HOMER2: variants seen among roughly 807,000 people sequenced by gnomAD.
HOMER2 encodes the protein homer scaffold protein 2, also known as homer protein homolog 2.
In HOMER2, 27 loss-of-function variants were observed where a neutral mutation model predicts 47.0. That is an observed-to-expected ratio of 0.57 (90% CI 0.42 to 0.79). HOMER2 has a LOEUF of 0.79. Among genes scored for constraint, HOMER2 ranks in the 30% least tolerant of loss-of-function variants. The pLI, the probability that HOMER2 is intolerant of heterozygous loss-of-function variation, is 0.00. For missense variants in HOMER2, 443 were observed against 435.0 expected (o/e 1.02, Z -0.16); for synonymous variants, 161 against 163.8 (o/e 0.98, Z 0.13).
exon 2 of HOMER2, chr15:82,838,272 A>G (rs1177814504): frequency 2.0e-5 from 3 of 152,548 alleles, no homozygotes; most frequent in Non-Finnish European, 2.9e-5. Context: ...GGAGAAGCAC[A>G]AGACTGTGTA....
chr15:82,965,777 T>TA, intron 1 of HOMER2, among the ~76,000 whole-genome samples: 1 of 152,134 alleles, frequency 6.6e-6, no homozygotes, highest in African/African-American at 2.4e-5. Context: ...CCTTTTTTTT[T>TA]TTTTTATTTT....
chr15:82,962,741 G>T (rs745426505), intron 1 of HOMER2, among the ~76,000 whole-genome samples: 11 of 152,094 alleles, frequency 7.2e-5, no homozygotes, highest in Non-Finnish European at 1.3e-4. Flanking sequence ...TCTGAACATA[G>T]TATATGCCTC....
At position 82,851,058 on chromosome 15, in the gene HOMER2, C is replaced by A. The variant is rs1420923568; in HGVS notation, c.843+93G>T. 9.6e-6 allele frequency: 8 copies of A among 837,208 alleles called. No individual in the cohort carries two copies. The Admixed American group carries it at 1.6e-4, about 17-fold the overall frequency. 51.9% of individuals were successfully genotyped at this position (837,208 alleles called of 1,614,324 possible). A position where few individuals can be genotyped will look rare whatever the true frequency, so the allele number is the denominator to read the frequency against. ...TAGAAAATCTCTCCTTCAGCATTCT[C>A]AGTGTGAAAGTGATAGGAAGCAGGA... On this transcript the variant is annotated intron_variant, in intron 8 of 8. Transcript: ENST00000450735.
At chr15:82,985,641 T>G (rs982761112) in intron 1 of HOMER2, 1 of 152,196 alleles carries the variant, frequency 6.6e-6, no homozygotes, top group African/African-American at 2.4e-5. Context: ...TGTCGGGATA[T>G]TAAGTGTTTA....
At chr15:82,968,806 G>C (rs921300488) in intron 1 of HOMER2, among the ~76,000 whole-genome samples, 1 of 152,206 alleles carries the variant, frequency 6.6e-6, no homozygotes, top group Non-Finnish European at 1.5e-5. Flanking sequence ...TTTTGAGAGG[G>C]AGTGTGGAGA....
At chr15:82,861,725 G>C (rs1192853978) in intron 4 of HOMER2, among the ~76,000 whole-genome samples, 1 of 152,110 alleles carries the variant, frequency 6.6e-6, no homozygotes, top group Non-Finnish European at 1.5e-5. Context: ...AGCATACAAG[G>C]GCCGGGTGCA....
At chr15:82,945,096 C>G (rs563624220) in intron 1 of HOMER2, among the ~76,000 whole-genome samples, 2 of 152,238 alleles carry the variant, frequency 1.3e-5, no homozygotes, top group South Asian at 4.2e-4. Context: ...CCGTGACTCA[C>G]CCAAATGACA....
chr15:82,868,245 C>T (rs2052042720), intron 3 of HOMER2, among the ~76,000 whole-genome samples: 1 of 151,374 alleles, frequency 6.6e-6, no homozygotes, highest in South Asian at 2.1e-4. Flanking sequence ...TTGCCAGATG[C>T]ACAGTTTGCA....
At chr15:82,839,337 CAT>C (rs2151581560) in exon 2 of HOMER2, 1 of 152,318 alleles carries the variant, frequency 6.6e-6, no homozygotes, top group South Asian at 2.1e-4. Flanking sequence ...GAACCAGAAA[CAT>C]TGGCACACTC....
intron 1 of HOMER2, among the ~76,000 whole-genome samples, chr15:82,963,807 C>A (rs2054650871): frequency 6.6e-6 from 1 of 152,086 alleles, no homozygotes; most frequent in Admixed American, 6.5e-5. Flanking sequence ...TTTTACCAAC[C>A]CTCAAAACTC....
chr15:82,891,553 C>T (rs1463323834), intron 2 of HOMER2, among the ~76,000 whole-genome samples: 1 of 152,134 alleles, frequency 6.6e-6, no homozygotes, highest in Non-Finnish European at 1.5e-5. Context: ...TTCCCCACAC[C>T]TTCTGTTTGT....
At position 82,868,523 on chromosome 15, in the gene HOMER2, T is replaced by TTTTATA. The variant is rs1453193520; in HGVS notation, c.295-4265_295-4264insTATAAA. On this transcript the variant is annotated intron_variant, in intron 3 of 8. Coordinates refer to ENST00000450735, the MANE Select transcript of HOMER2 (RefSeq NM_004839.4). ...AAGTTATATATATCACTTATTTATT[T>TTTTATA]TATATATATATATATATATTTTTTT... 1.6e-4 allele frequency among the ~76,000 whole-genome samples: 6 copies of TTTTATA among 36,634 alleles called. 1 individual carries two copies. The highest frequency in any genetic ancestry group is 2.3e-4 in the Non-Finnish European group (5 of 21,470). 24.0% of individuals were successfully genotyped at this position (36,634 alleles called of 152,430 possible).
At chr15:82,921,329 T>A (rs1470934981) in intron 1 of HOMER2, among the ~76,000 whole-genome samples, 1 of 152,176 alleles carries the variant, frequency 6.6e-6, no homozygotes, top group Non-Finnish European at 1.5e-5. Context: ...GTGCAGGCCT[T>A]GCTCCACTCT....
exon 2 of HOMER2, chr15:82,843,442 C>CAAAAAAAAAAAAAAAA (rs56335970): frequency 1.5e-4 from 3 of 20,512 alleles, no homozygotes; most frequent in Admixed American, 9.3e-4. Flanking sequence ...GACCCCGTCT[C>CAAAAAAAAAAAAAAAA]AAAAAAAAAA....
At chr15:82,847,624 A>G (rs146624141), downstream of HOMER2, among the ~76,000 whole-genome samples, 6 of 152,386 alleles carry the variant, frequency 3.9e-5, 1 homozygote, top group East Asian at 1.2e-3. Flanking sequence ...AAGTGGCTTC[A>G]GTAACTATTC....
chr15:82,882,763 G>A (rs923534793), intron 2 of HOMER2, among the ~76,000 whole-genome samples: 10 of 152,076 alleles, frequency 6.6e-5, no homozygotes, highest in Admixed American at 5.9e-4. Flanking sequence ...GAAGCTGTTG[G>A]CCACAGCTTT....
downstream of HOMER2, chr15:82,848,903 A>G (rs2051296644): frequency 6.6e-6 from 1 of 152,288 alleles, no homozygotes; most frequent in South Asian, 2.1e-4. Flanking sequence ...ACTACCCAGC[A>G]CAGCAAAGAT....
rs761530407 is a variant in HOMER2, at chr15:82,892,694, G to A, written c.153C>T (p.Asp51=). The A allele has an allele frequency of 4.3e-5, 67 of 1,571,012 alleles. No homozygotes were observed. Among genetic ancestry groups the A allele is most frequent in the Admixed American group, 5.1e-5 (3 of 58,706 alleles). ...GCTGAGGGGGTGGTACCTTGGCTCC[G>A]TCCACACTGATGATCCGATAGCTGT... ...TRNSYRIISV[D]GAKVIINSTI... Residue 51 remains aspartate, a synonymous_variant, in exon 2 of 9, where the codon GAC becomes GAT. Coordinates refer to ENST00000450735, the MANE Select transcript of HOMER2 (RefSeq NM_004839.4).
chr15:82,903,065 G>C (rs1245875546), intron 1 of HOMER2, among the ~76,000 whole-genome samples: 1 of 152,176 alleles, frequency 6.6e-6, no homozygotes, highest in Non-Finnish European at 1.5e-5. Flanking sequence ...GCTGAGCAAA[G>C]GAGTGGCACA....
Sources: allele counts gnomAD v4.1 joint callset (sites outside exome capture counted in the v4.1 genomes callset), GRCh38; gene constraint gnomAD v4.1.1; transcripts MANE v1.5; gene names NCBI Gene and HGNC (gene_info 2026-07-23, HGNC 2026-07-21).